The following DENND2B variants were observed in gnomAD, a reference collection of about 807,000 sequenced individuals.
DENND2B encodes DENN domain containing 2B, also known as DENN domain-containing protein 2B.
In DENND2B, 32 loss-of-function variants were observed where a neutral mutation model predicts 116.0. The observed-to-expected ratio is 0.28, with a 90% CI of 0.21 to 0.37. The LOEUF (loss-of-function observed/expected upper bound fraction) is 0.37, where lower values mean the gene tolerates loss of function less well. Among genes scored for constraint, DENND2B ranks in the 10% least tolerant of loss-of-function variants. The probability of loss-of-function intolerance (pLI) is 1.00; values close to 1 mark genes in which losing one functional copy is unlikely to be tolerated. For missense variants in DENND2B, 1,276 were observed against 1,477.7 expected (o/e 0.86, Z 2.24); for synonymous variants, 588 against 583.9 (o/e 1.01, Z -0.10).
At chr11:8,704,458 T>C (rs1271977171) in intron 13 of DENND2B, among the ~76,000 whole-genome samples, 3 of 152,166 alleles carry the variant, frequency 2.0e-5, no homozygotes, top group Non-Finnish European at 2.9e-5. Flanking sequence ...TGCTGCGCTA[T>C]AAGGGAAGGG....
At position 8,897,054 on chromosome 11, in the gene DENND2B, C is replaced by T. The variant is rs544518852; in HGVS notation, c.-256+13767G>A. Among the ~76,000 whole-genome samples, 185 of 152,150 alleles carry T rather than the reference C, an allele frequency of 1.2e-3. 1 individual carries two copies. The highest frequency in any genetic ancestry group is 2.4e-3 in the Admixed American group (36 of 15,274). ...AGCAGTTCAAGACCAGCCTGGCCAA[C>T]ATGGCGAAGCCCATCTCTACAAAAA... is the stretch of plus-strand genomic sequence containing the variant. On this transcript the variant is annotated intron_variant, in intron 1 of 22. Coordinates refer to the DENND2B transcript ENST00000534127.
At chr11:8,854,631 T>C (rs2063131932) in intron 3 of DENND2B, among the ~76,000 whole-genome samples, 2 of 152,190 alleles carry the variant, frequency 1.3e-5, no homozygotes, top group South Asian at 4.1e-4. Context: ...ATTCCAACAC[T>C]TTGAGAGGGC....
At chr11:8,789,176 A>G (rs1303870317) in intron 1 of DENND2B, among the ~76,000 whole-genome samples, 1 of 152,238 alleles carries the variant, frequency 6.6e-6, no homozygotes, top group East Asian at 1.9e-4. Context: ...CAGTGGTAAA[A>G]AAGGAAGAGT....
intron 13 of DENND2B, among the ~76,000 whole-genome samples, chr11:8,705,666 C>T (rs979617344): frequency 4.6e-5 from 7 of 152,342 alleles, no homozygotes; most frequent in South Asian, 2.1e-4. Context: ...TTCTCCTTCA[C>T]GAGCTCCCAT....
At chr11:8,876,538 T>A (rs906777468) in intron 2 of DENND2B, among the ~76,000 whole-genome samples, 1 of 152,104 alleles carries the variant, frequency 6.6e-6, no homozygotes, top group Non-Finnish European at 1.5e-5. Context: ...TTTGATTTTA[T>A]CCTGCTATGT....
At chr11:8,908,285 C>G (rs540375951) in intron 1 of DENND2B, among the ~76,000 whole-genome samples, 4 of 152,094 alleles carry the variant, frequency 2.6e-5, no homozygotes, top group African/African-American at 9.6e-5. Context: ...AAAGAGCTGA[C>G]CTGACAAAAA....
intron 4 of DENND2B, among the ~76,000 whole-genome samples, chr11:8,827,738 T>G (rs2062034200): frequency 6.6e-6 from 1 of 152,236 alleles, no homozygotes; most frequent in South Asian, 2.1e-4. Flanking sequence ...TAAATAAGAC[T>G]GTCTCAGCAA....
intron 1 of DENND2B, among the ~76,000 whole-genome samples, chr11:8,800,823 T>C (rs1007695190): frequency 6.6e-6 from 1 of 152,126 alleles, no homozygotes; most frequent in Non-Finnish European, 1.5e-5. Context: ...CTCTTTATAA[T>C]TTACACTTGT....
chr11:8,892,298 T>C (rs907958281), intron 1 of DENND2B, among the ~76,000 whole-genome samples: 6 of 152,108 alleles, frequency 3.9e-5, no homozygotes, highest in Non-Finnish European at 8.8e-5. Flanking sequence ...AGGAAAGATC[T>C]AAAATTGATC....
In DENND2B at chr11:8,707,937, C is replaced by T. The variant is rs770240811; in HGVS notation, c.2353-83G>A. On this transcript the variant is annotated intron_variant, in intron 11 of 19. Coordinates refer to ENST00000313726, the MANE Select transcript of DENND2B (RefSeq NM_213618.2). This position sits in a 1 kb window ranked among gnomAD's most constrained non-coding sequence, Gnocchi z 4.8. ...ATTTCTGGCTCCTTTTCCTTGGGAA[C>T]GGAGGAGTAAGGACTGCCCTTCTAG... 1.2e-5 allele frequency: 18 copies of T among 1,547,798 alleles called. No individual in the cohort carries two copies. Among genetic ancestry groups the T allele is most frequent in the Middle Eastern group, 1.7e-4 (1 of 6,010 alleles).
At chr11:8,827,904 C>T (rs989567316) in intron 4 of DENND2B, among the ~76,000 whole-genome samples, 3 of 152,148 alleles carry the variant, frequency 2.0e-5, no homozygotes, top group Non-Finnish European at 4.4e-5. Flanking sequence ...CACAAACTTC[C>T]TTCCTCTACT....
intron 1 of DENND2B, among the ~76,000 whole-genome samples, chr11:8,885,006 C>T (rs1339061641): frequency 6.6e-6 from 1 of 152,228 alleles, no homozygotes; most frequent in Admixed American, 6.5e-5. Flanking sequence ...ACTCCCAACT[C>T]TGGATATTTG....
chr11:8,764,427 T>C (rs146616832), intron 1 of DENND2B, among the ~76,000 whole-genome samples: 260 of 152,332 alleles, frequency 1.7e-3, no homozygotes, highest in Non-Finnish European at 3.1e-3. Context: ...GCTTGTGTAA[T>C]CTTAGTTACA....
chr11:8,772,303 C>G (rs1023202537), intron 1 of DENND2B, among the ~76,000 whole-genome samples: 12 of 152,022 alleles, frequency 7.9e-5, no homozygotes, highest in Admixed American at 2.0e-4. Context: ...TAGCAAATTA[C>G]CAAACCTGAG....
intron 4 of DENND2B, among the ~76,000 whole-genome samples, chr11:8,725,201 T>G (rs113966369): frequency 6.6e-6 from 1 of 152,302 alleles, no homozygotes; most frequent in South Asian, 2.1e-4. Context: ...GATTAGGTCA[T>G]GAGTGCAGGG....
chr11:8,787,050 A>C (rs2058977288), intron 1 of DENND2B: 1 of 152,170 alleles, frequency 6.6e-6, no homozygotes, highest in South Asian at 2.1e-4. Flanking sequence ...ATTTTACCAA[A>C]CAGGAAAACC....
chr11:8,762,451 C>T (rs888496899), intron 1 of DENND2B, among the ~76,000 whole-genome samples: 1 of 152,226 alleles, frequency 6.6e-6, no homozygotes. Flanking sequence ...GTCTGACCCA[C>T]TTACAGCAAC....
intron 1 of DENND2B, among the ~76,000 whole-genome samples, chr11:8,777,481 T>A (rs554036787): frequency 4.6e-5 from 7 of 152,336 alleles, no homozygotes; most frequent in South Asian, 4.1e-4. Context: ...GGTATTCATA[T>A]GGACCAAAGG....
chr11:8,710,908 G>C lies in DENND2B; in HGVS notation c.2289C>G (p.Thr763=). Residue 763 remains threonine (T), a synonymous_variant, in exon 11 of 20, where the codon ACC becomes ACG. Transcript: ENST00000313726. ...CTTCCCCAGTCAGCATGAAAGAAAA[G>C]GTCTCACTGGAACAAAGAGAGGTCT... ...WLPVSEYSSE[T]FSFMLTGEDG... 1.9e-6 allele frequency: 3 copies of C among 1,614,058 alleles called. No individual in the cohort carries two copies. Among genetic ancestry groups the C allele is most frequent in the Non-Finnish European group, 2.5e-6 (3 of 1,179,998 alleles).
Sources: gnomAD v4.1 joint callset for allele counts (sites outside exome capture counted in the v4.1 genomes callset) on GRCh38, gnomAD v4.1.1 for gene constraint, Gnocchi (gnomAD v3.1) non-coding constraint, MANE v1.5 for transcripts, NCBI Gene and HGNC (gene_info 2026-07-23, HGNC 2026-07-21) for gene names.